BCL11A: variants seen among roughly 807,000 people sequenced by gnomAD.
The protein encoded by BCL11A is B cell CLL/lymphoma 11A.
BCL11A carries 2 observed loss-of-function variants against 55.9 expected under a neutral mutation model. The observed-to-expected ratio is 0.04, with a 90% confidence interval of 0.01 to 0.11. The LOEUF is 0.11. BCL11A is among the 10% of genes least tolerant of loss of function. The probability of loss-of-function intolerance (pLI) is 1.00; values close to 1 mark genes in which losing one functional copy is unlikely to be tolerated. For synonymous variants in BCL11A, 465 were observed against 473.4 expected, an observed-to-expected ratio of 0.98 and a Z score of 0.23; for missense variants, 817 against 1,137.1, an observed-to-expected ratio of 0.72 and a Z score of 4.05.
chr2:60,549,270 A>C (rs1447607264), intron 1 of BCL11A, among the ~76,000 whole-genome samples: 1 of 152,228 alleles, frequency 6.6e-6, no homozygotes. Flanking sequence ...AAGGGAAAAA[A>C]ATAATCCTTA....
intron 2 of BCL11A, among the ~76,000 whole-genome samples, chr2:60,490,218 C>A (rs1401791632): frequency 6.6e-6 from 1 of 152,186 alleles, no homozygotes; most frequent in Non-Finnish European, 1.5e-5. Context: ...GAGAACTCGG[C>A]ATGAAGGGTA....
chr2:60,469,116 T>C (rs1207321340), intron 2 of BCL11A, among the ~76,000 whole-genome samples: 1 of 152,204 alleles, frequency 6.6e-6, no homozygotes, highest in Non-Finnish European at 1.5e-5. Context: ...TTTGTTGTTG[T>C]TTGATTATTG....
In BCL11A at chr2:60,457,511, T is replaced by A; in HGVS notation, c.*2893A>T. ...CGACAAACAGCTTTCATTACAGGAATAGAAAAGGCCAATAACAAAATATTC... is the reference window on the plus strand; with the variant it reads ...CGACAAACAGCTTTCATTACAGGAAAAGAAAAGGCCAATAACAAAATATTC... On this transcript the variant is annotated 3_prime_UTR_variant, in exon 4 of 4. Transcript: ENST00000642384. 1 of 1,045,272 alleles carries A rather than the reference T, an allele frequency of 9.6e-7. No homozygotes were observed. The highest frequency in any genetic ancestry group is 1.2e-6 in the Non-Finnish European group (1 of 866,304). The allele number at this position is 1,045,272 out of a possible 1,614,324, so 64.7% of individuals were successfully genotyped here. A position where few individuals can be genotyped will look rare whatever the true frequency, so the allele number is the denominator to read the frequency against.
In BCL11A at chr2:60,476,411, A is replaced by G. The variant is rs1354686252; in HGVS notation, c.386-7578T>C. Among the ~76,000 whole-genome samples the G allele has an allele frequency of 2.0e-5, 3 of 152,368 alleles. No individual in the cohort carries two copies. In the East Asian group the frequency reaches 5.8e-4, roughly 29 times the overall value. ...TGGCTCATGCCAGAAGTCCAGTAGC[A>G]AAGCTCGGCCTCATGCCAGAGCCTG... On this transcript the variant is annotated intron_variant, in intron 2 of 3. Coordinates refer to ENST00000642384, the MANE Select transcript of BCL11A (RefSeq NM_022893.4).
intron 2 of BCL11A, among the ~76,000 whole-genome samples, chr2:60,524,061 G>A (rs527753934): frequency 3.9e-5 from 6 of 152,330 alleles, no homozygotes; most frequent in African/African-American, 1.4e-4. Context: ...AGGAACTAGT[G>A]TGAAAACTGG....
intron 2 of BCL11A, among the ~76,000 whole-genome samples, chr2:60,491,703 A>G (rs1005926071): frequency 2.0e-5 from 3 of 150,978 alleles, no homozygotes; most frequent in African/African-American, 4.9e-5. Flanking sequence ...AAAAAAAAAA[A>G]GAAAGAAATG....
intron 1 of BCL11A, chr2:60,550,932 G>C (rs539837430): frequency 3.3e-6 from 1 of 305,404 alleles, no homozygotes; most frequent in South Asian, 1.5e-4. Flanking sequence ...GCGGCCGGGG[G>C]AGTTGGGGGC....
intron 2 of BCL11A, among the ~76,000 whole-genome samples, chr2:60,498,038 C>G (rs2104379693): frequency 6.6e-6 from 1 of 152,012 alleles, no homozygotes; most frequent in South Asian, 2.1e-4. Context: ...AGGGACCCAC[C>G]TGGCAGACCC....
chr2:60,464,150 A>C (rs1676472153), intron 3 of BCL11A, among the ~76,000 whole-genome samples: 1 of 152,146 alleles, frequency 6.6e-6, no homozygotes, highest in African/African-American at 2.4e-5. Flanking sequence ...AATCCCACTC[A>C]ATATATCTCA....
intron 2 of BCL11A, among the ~76,000 whole-genome samples, chr2:60,473,715 TCA>T (rs896239792): frequency 1.1e-4 from 17 of 152,352 alleles, no homozygotes; most frequent in African/African-American, 3.6e-4. Context: ...CTCTGACTTA[TCA>T]GAGTATTATA....
At position 60,502,819 on chromosome 2, in the gene BCL11A, A is replaced by C. The variant is rs148466249; in HGVS notation, c.386-33986T>G. On this transcript the variant is annotated intron_variant, in intron 2 of 3. Coordinates refer to ENST00000642384, the MANE Select transcript of BCL11A (RefSeq NM_022893.4). ...ATAAATTCTAGTCCTGTCACCCAGA[A>C]ACTATGTGACCAGGGGAGGTACTTA... Among the ~76,000 whole-genome samples the C allele has an allele frequency of 6.6e-5, 10 of 152,348 alleles. No homozygotes were observed. The East Asian group carries it at 1.9e-3, about 29-fold the overall frequency.
intron 2 of BCL11A, among the ~76,000 whole-genome samples, chr2:60,521,545 C>T (rs1054414121): frequency 1.3e-5 from 2 of 152,184 alleles, no homozygotes; most frequent in Non-Finnish European, 2.9e-5. Flanking sequence ...TCTAGAAGAA[C>T]AAAATTCCCC....
rs1292462326 is a variant in BCL11A at position 60,553,449 on chromosome 2, A to G, written c.-179T>C. 7.8e-6 allele frequency: 2 copies of G among 254,818 alleles called. No individual in the cohort carries two copies. Among genetic ancestry groups the G allele is most frequent in the Non-Finnish European group, 1.5e-5 (2 of 137,236 alleles). 15.8% of individuals were successfully genotyped at this position (254,818 alleles called of 1,614,324 possible). ...TACAAAGATGGCGCAGGGAAGATGA[A>G]TTGTGGGAGAGCCGTCATGGCTTTT... is the stretch of plus-strand genomic sequence containing the variant. On this transcript the variant is annotated 5_prime_UTR_variant, in exon 1 of 4. Transcript: ENST00000642384.
chr2:60,524,259 G>T (rs1193929541), intron 2 of BCL11A, among the ~76,000 whole-genome samples: 1 of 152,204 alleles, frequency 6.6e-6, no homozygotes, highest in Non-Finnish European at 1.5e-5. Flanking sequence ...AGAGGTGGGG[G>T]AGAAGAGAGA....
In BCL11A at chr2:60,462,372, G is replaced by A. The variant is rs112723917; in HGVS notation, c.540C>T (p.Thr180=). The change falls in exon 4 of 4, where the codon ACC becomes ACT. Residue 180 remains threonine (T), a synonymous_variant. Transcript: ENST00000642384. Reference sequence around the variant, plus strand: ...CGTGTTGCAAGAGAAACCATGCACTGGTGAATGGCTGTTTGCAAGTTGTAC... The same window carrying A: ...CGTGTTGCAAGAGAAACCATGCACTAGTGAATGGCTGTTTGCAAGTTGTAC... The part of the protein sequence containing the change: ...YTCTTCKQPF[T]SAWFLLQHAQ... 6.2e-7 allele frequency: 1 copy of A among 1,613,088 alleles called. No individual in the cohort carries two copies. Among genetic ancestry groups the A allele is most frequent in the Non-Finnish European group, 8.5e-7 (1 of 1,179,572 alleles).
At position 60,461,899 on chromosome 2, in the gene BCL11A, G is replaced by A; in HGVS notation, c.1013C>T (p.Pro338Leu). The A allele has an allele frequency of 6.2e-7, 1 of 1,614,154 alleles. No individual in the cohort carries two copies. The highest frequency in any genetic ancestry group is 8.5e-7 in the Non-Finnish European group (1 of 1,179,998). Reference sequence around the variant, plus strand: ...GAATGGTTGCAGTAACCTTTGCATAGGGCTGGGCCGGCCTGGGGACAGCGG... The same window carrying A: ...GAATGGTTGCAGTAACCTTTGCATAAGGCTGGGCCGGCCTGGGGACAGCGG... ...SPPLSPGRPS[P>L]MQRLLQPFQP... The change falls in exon 4 of 4, where the codon CCT becomes CTT. Residue 338 changes from proline to leucine, a missense_variant. Transcript: ENST00000642384.
chr2:60,505,467 C>T (rs1679534290), intron 2 of BCL11A, among the ~76,000 whole-genome samples: 1 of 152,228 alleles, frequency 6.6e-6, no homozygotes, highest in South Asian at 2.1e-4. Flanking sequence ...TTCAGCTGGA[C>T]AAACACTGCA....
chr2:60,498,168 G>A (rs1260775143), intron 2 of BCL11A, among the ~76,000 whole-genome samples: 1 of 151,794 alleles, frequency 6.6e-6, no homozygotes, highest in East Asian at 1.9e-4. Context: ...CAAGCAGGAA[G>A]GGCCTCTATG....
chr2:60,467,281 GGTA>G (rs749308774), intron 3 of BCL11A, among the ~76,000 whole-genome samples: 17 of 100,668 alleles, frequency 1.7e-4, no homozygotes, highest in Admixed American at 4.2e-4. Context: ...TGGTGGTGGT[GGTA>G]GTGATGGTGG....
Sources: allele counts gnomAD v4.1 joint callset (sites outside exome capture counted in the v4.1 genomes callset), GRCh38; gene constraint gnomAD v4.1.1; transcripts MANE v1.5; gene names NCBI Gene and HGNC (gene_info 2026-07-23, HGNC 2026-07-21).